SCGB2B2: variants seen among roughly 807,000 people sequenced by gnomAD.
SCGB2B2 encodes the protein secretoglobin-like protein.
Under a neutral mutation model 7.6 loss-of-function variants are expected in SCGB2B2, and 11 were observed. The ratio of observed to expected loss-of-function variants is 1.45; its 90% confidence interval spans 0.91 to 2.40. The LOEUF (loss-of-function observed/expected upper bound fraction) is 2.40. Ranked by LOEUF, SCGB2B2 falls within the 30% of genes most tolerant of loss-of-function variation. The pLI, the probability that SCGB2B2 is intolerant of heterozygous loss-of-function variation, is 0.00. For synonymous variants in SCGB2B2, 50 were observed against 48.6 expected (o/e 1.03, Z -0.12); for missense variants, 104 against 115.4 (o/e 0.90, Z 0.45).
rs1040320456 is a variant in SCGB2B2, at chr19:34,656,562, C to T, written c.-2032+19068G>A. 2.0e-5 allele frequency among the ~76,000 whole-genome samples: 3 copies of T among 151,184 alleles called. 1 individual carries two copies. Among genetic ancestry groups the T allele is most frequent in the African/African-American group, 7.4e-5 (3 of 40,510 alleles). On this transcript the variant is annotated intron_variant, in intron 1 of 3. Coordinates refer to ENST00000601241, the MANE Select transcript of SCGB2B2 (RefSeq NM_001025591.4). ...AGGCTGCAGTGAGCCATGACTGCAC[C>T]ACTGCACTTCAGCCCAGGTAACAAA...
intron 1 of SCGB2B2, among the ~76,000 whole-genome samples, chr19:34,647,112 G>C (rs897875623): frequency 6.6e-6 from 1 of 152,050 alleles, no homozygotes; most frequent in Non-Finnish European, 1.5e-5. Flanking sequence ...ATAAATACCT[G>C]CAGCTCAGCT....
At chr19:34,631,643 G>A (rs779832458) in intron 1 of SCGB2B2, among the ~76,000 whole-genome samples, 3 of 151,994 alleles carry the variant, frequency 2.0e-5, no homozygotes, top group Non-Finnish European at 2.9e-5. Flanking sequence ...GATATGCCAC[G>A]TTTATGGGTT....
At chr19:34,588,253 A>T (rs7248534), downstream of SCGB2B2, among the ~76,000 whole-genome samples, 96,790 of 152,056 alleles carry the variant, frequency 0.64, 31,073 homozygotes, top group East Asian at 0.88. Context: ...TCAATCTTGG[A>T]AGGTTGTATT....
At chr19:34,597,466 TCTC>T (rs1568427986) in intron 1 of SCGB2B2, among the ~76,000 whole-genome samples, 1 of 152,052 alleles carries the variant, frequency 6.6e-6, no homozygotes, top group Non-Finnish European at 1.5e-5. Context: ...ATATCAGACA[TCTC>T]CCGTGCACCA....
intron 1 of SCGB2B2, among the ~76,000 whole-genome samples, chr19:34,622,332 CT>C (rs1484276312): frequency 6.6e-6 from 1 of 152,160 alleles, no homozygotes; most frequent in African/African-American, 2.4e-5. Flanking sequence ...TGGTTAAAGC[CT>C]TTTTGAGCCC....
chr19:34,665,378 G>A (rs1368198006), intron 1 of SCGB2B2, among the ~76,000 whole-genome samples: 7 of 152,186 alleles, frequency 4.6e-5, no homozygotes, highest in Non-Finnish European at 7.4e-5. Context: ...AGTGGTGCAC[G>A]GGAGATGTCT....
At position 34,643,259 on chromosome 19, in the gene SCGB2B2, CTT is replaced by C. The variant is rs562845486; in HGVS notation, c.-2032+32369_-2032+32370del. ...ACTATAAAAAAGAGTGAAATCATGT[CTT>C]TTGCAGCAACATGAATGGAACTGGA... On this transcript the variant is annotated intron_variant, in intron 1 of 3. Coordinates refer to ENST00000601241, the MANE Select transcript of SCGB2B2 (RefSeq NM_001025591.4). Among the ~76,000 whole-genome samples, 269 of 152,260 alleles carry C rather than the reference CTT, an allele frequency of 1.8e-3. 3 individuals are homozygous for C. Among genetic ancestry groups the C allele is most frequent in the African/African-American group, 6.3e-3 (262 of 41,542 alleles).
intron 1 of SCGB2B2, chr19:34,635,446 C>T: frequency 3.4e-6 from 1 of 297,936 alleles, no homozygotes; most frequent in South Asian, 4.1e-5. Context: ...GGCCTCTCTC[C>T]AGCGTGAACT....
chr19:34,588,129 A>C (rs944183261), downstream of SCGB2B2, among the ~76,000 whole-genome samples: 4 of 152,206 alleles, frequency 2.6e-5, no homozygotes, highest in Admixed American at 6.5e-5. Context: ...TATTTGGCGG[A>C]ATTCTGCAGT....
intron 1 of SCGB2B2, among the ~76,000 whole-genome samples, chr19:34,615,439 A>ATTTTTT (rs74183311): frequency 7.5e-6 from 1 of 133,688 alleles, no homozygotes; most frequent in Non-Finnish European, 1.6e-5. Context: ...GAGGTCCAGC[A>ATTTTTT]TTTTTTTTTT....
intron 1 of SCGB2B2, among the ~76,000 whole-genome samples, chr19:34,614,893 T>A (rs1424718121): frequency 1.3e-5 from 2 of 152,242 alleles, no homozygotes; most frequent in Non-Finnish European, 2.9e-5. Flanking sequence ...TCAATAACTA[T>A]GAGTGACCCC....
intron 1 of SCGB2B2, among the ~76,000 whole-genome samples, chr19:34,617,769 T>C (rs902378627): frequency 3.3e-5 from 5 of 152,206 alleles, no homozygotes; most frequent in African/African-American, 1.2e-4. Context: ...GTGCCAGTTT[T>C]CAAAGGGAAT....
At chr19:34,668,974 C>T (rs1023833798) in intron 1 of SCGB2B2, among the ~76,000 whole-genome samples, 1 of 152,120 alleles carries the variant, frequency 6.6e-6, no homozygotes, top group Admixed American at 6.5e-5. Flanking sequence ...CCCTTCCACA[C>T]TGTGGAAGCT....
At chr19:34,641,028 A>G (rs975716685) in intron 1 of SCGB2B2, among the ~76,000 whole-genome samples, 2 of 151,980 alleles carry the variant, frequency 1.3e-5, no homozygotes, top group South Asian at 4.2e-4. Flanking sequence ...AACCTGACTT[A>G]TTATTGAATA....
intron 1 of SCGB2B2, among the ~76,000 whole-genome samples, chr19:34,662,968 AC>A (rs1454044166): frequency 2.0e-5 from 3 of 152,114 alleles, no homozygotes; most frequent in Non-Finnish European, 4.4e-5. Flanking sequence ...ACAAAAAAAA[AC>A]AATAAAAGTG....
At chr19:34,619,461 T>C (rs1013272909) in intron 1 of SCGB2B2, among the ~76,000 whole-genome samples, 2 of 152,164 alleles carry the variant, frequency 1.3e-5, no homozygotes, top group African/African-American at 4.8e-5. Flanking sequence ...CAGTAAGTCT[T>C]AACTAAGAGG....
chr19:34,663,019 T>A (rs2067507633), intron 1 of SCGB2B2, among the ~76,000 whole-genome samples: 1 of 151,912 alleles, frequency 6.6e-6, no homozygotes, highest in African/African-American at 2.4e-5. Context: ...AAATGACTGA[T>A]AAACATATGA....
intron 1 of SCGB2B2, among the ~76,000 whole-genome samples, chr19:34,653,932 C>T (rs2067223256): frequency 6.6e-6 from 1 of 150,510 alleles, no homozygotes; most frequent in African/African-American, 2.5e-5. Context: ...ACTCGTACCA[C>T]TCGTATTTAA....
chr19:34,657,623 G>C (rs113419259), intron 1 of SCGB2B2, among the ~76,000 whole-genome samples: 39 of 152,264 alleles, frequency 2.6e-4, no homozygotes, highest in Middle Eastern at 3.4e-3. Flanking sequence ...GACCTACAAA[G>C]AGACTTAGAC....
Sources: allele counts gnomAD v4.1 joint callset (sites outside exome capture counted in the v4.1 genomes callset), GRCh38; gene constraint gnomAD v4.1.1; transcripts MANE v1.5; gene names NCBI Gene and HGNC (gene_info 2026-07-23, HGNC 2026-07-21).